PTPRD: variants seen among roughly 807,000 people sequenced by gnomAD.
PTPRD encodes receptor-type tyrosine-protein phosphatase delta.
In PTPRD, 34 loss-of-function variants were observed where a neutral mutation model predicts 214.5. That is an observed-to-expected ratio of 0.16 (90% CI 0.12 to 0.21). The LOEUF (loss-of-function observed/expected upper bound fraction) is 0.21, where lower values mean the gene tolerates loss of function less well. PTPRD is among the 10% of genes least tolerant of loss of function. The pLI, the probability that PTPRD is intolerant of heterozygous loss-of-function variation, is 1.00. For synonymous variants in PTPRD, 1,128 were observed against 845.7 expected, an observed-to-expected ratio of 1.33 and a Z score of -5.79; for missense variants, 2,545 against 2,398.7, an observed-to-expected ratio of 1.06 and a Z score of -1.27.
intron 14 of PTPRD, among the ~76,000 whole-genome samples, chr9:8,549,427 C>A (rs1344288321): frequency 6.6e-6 from 1 of 152,116 alleles, no homozygotes; most frequent in African/African-American, 2.4e-5. Flanking sequence ...TGGAATCATG[C>A]AGATGGATGA....
intron 7 of PTPRD, among the ~76,000 whole-genome samples, chr9:9,609,910 G>C (rs918600475): frequency 4.8e-4 from 73 of 152,320 alleles, no homozygotes; most frequent in African/African-American, 1.6e-3. Context: ...AAAAAAATAA[G>C]AACATTTAGG....
At chr9:8,837,532 T>G (rs1466534634) in intron 11 of PTPRD, among the ~76,000 whole-genome samples, 1 of 150,544 alleles carries the variant, frequency 6.6e-6, no homozygotes, top group African/African-American at 2.5e-5. Context: ...AGAAGAGGTC[T>G]CACTCTGTTG....
At chr9:9,630,268 T>C (rs775147054) in intron 7 of PTPRD, among the ~76,000 whole-genome samples, 1 of 152,186 alleles carries the variant, frequency 6.6e-6, no homozygotes, top group African/African-American at 2.4e-5. Flanking sequence ...ATAGACAACA[T>C]ACCAGGTGTT....
intron 10 of PTPRD, among the ~76,000 whole-genome samples, chr9:9,172,594 G>A (rs372453384): frequency 1.1e-3 from 169 of 152,210 alleles, no homozygotes; most frequent in African/African-American, 3.9e-3. Context: ...CATGATAGAT[G>A]TGCTATGTCT....
At chr9:8,494,042 C>G (rs1021092263) in intron 26 of PTPRD, among the ~76,000 whole-genome samples, 15 of 145,346 alleles carry the variant, frequency 1.0e-4, no homozygotes, top group African/African-American at 3.6e-4. Flanking sequence ...ACACACACAG[C>G]AATATAAAAA....
chr9:8,943,531 A>T (rs1308288886), intron 11 of PTPRD, among the ~76,000 whole-genome samples: 4 of 151,530 alleles, frequency 2.6e-5, no homozygotes, highest in Non-Finnish European at 4.4e-5. Flanking sequence ...TGGAAAGGAC[A>T]GTTTCTTCAA....
chr9:9,477,793 G>T (rs1485300543), intron 8 of PTPRD, among the ~76,000 whole-genome samples: 2 of 152,072 alleles, frequency 1.3e-5, no homozygotes, highest in Non-Finnish European at 2.9e-5. Flanking sequence ...TATTAGAACT[G>T]TACATTTTCT....
chr9:9,752,778 A>G (rs1174621973), intron 6 of PTPRD, among the ~76,000 whole-genome samples: 1 of 152,014 alleles, frequency 6.6e-6, no homozygotes, highest in Non-Finnish European at 1.5e-5. Flanking sequence ...TGTTTAGAAG[A>G]TCCATTAAAT....
intron 11 of PTPRD, among the ~76,000 whole-genome samples, chr9:8,749,482 C>T (rs571144716): frequency 1.3e-4 from 20 of 152,282 alleles, no homozygotes; most frequent in Non-Finnish European, 1.9e-4. Context: ...GCCACCATGA[C>T]CAGGTGAAGT....
chr9:9,380,585 T>A (rs1365597060), intron 9 of PTPRD, among the ~76,000 whole-genome samples: 3 of 152,190 alleles, frequency 2.0e-5, no homozygotes, highest in Non-Finnish European at 4.4e-5. Flanking sequence ...TTTGTTCACG[T>A]GTGTTTCACA....
intron 25 of PTPRD, among the ~76,000 whole-genome samples, chr9:8,497,605 A>G (rs1592050822): frequency 6.6e-6 from 1 of 152,222 alleles, no homozygotes. Flanking sequence ...TACACAATTA[A>G]AAGTCACTAT....
intron 5 of PTPRD, among the ~76,000 whole-genome samples, chr9:9,906,686 T>G (rs2077660425): frequency 6.6e-6 from 1 of 151,996 alleles, no homozygotes; most frequent in East Asian, 1.9e-4. Context: ...TTAGAATGTA[T>G]TATATGTAGA....
intron 7 of PTPRD, among the ~76,000 whole-genome samples, chr9:9,686,567 G>A (rs1450269933): frequency 6.6e-6 from 1 of 151,524 alleles, no homozygotes; most frequent in East Asian, 1.9e-4. Flanking sequence ...CTTTGTGGTG[G>A]CTAATAGGAA....
intron 3 of PTPRD, among the ~76,000 whole-genome samples, chr9:10,061,889 C>T (rs2097782872): frequency 6.6e-6 from 1 of 151,890 alleles, no homozygotes; most frequent in African/African-American, 2.4e-5. Context: ...TTATTATCAC[C>T]CGGAACTCGC....
rs568869542 is a variant in PTPRD, at chr9:10,222,659, A to T, written c.-545+118304T>A. 5.9e-5 allele frequency among the ~76,000 whole-genome samples: 9 copies of T among 152,212 alleles called. No individual in the cohort carries two copies. In the South Asian group the frequency reaches 6.2e-4, roughly 11 times the overall value. On this transcript the variant is annotated intron_variant, in intron 3 of 45. Transcript: ENST00000381196. ...CAAGGAACAGAAATCGTAAATGCTC[A>T]TAGAGGTAAACCATCAGTGGCTCAT...
chr9:10,431,857 C>T (rs1484736715), intron 2 of PTPRD, among the ~76,000 whole-genome samples: 1 of 152,034 alleles, frequency 6.6e-6, no homozygotes, highest in African/African-American at 2.4e-5. Context: ...ACTAGTTCAA[C>T]CATTGTGGAA....
chr9:8,343,541 G>C (rs1224231737), intron 39 of PTPRD, among the ~76,000 whole-genome samples: 1 of 151,930 alleles, frequency 6.6e-6, no homozygotes, highest in East Asian at 1.9e-4. Context: ...TATTTAGTTG[G>C]TTCTAAAGAA....
At chr9:10,024,935 C>G (rs542287354) in intron 4 of PTPRD, among the ~76,000 whole-genome samples, 1 of 151,822 alleles carries the variant, frequency 6.6e-6, no homozygotes, top group South Asian at 2.1e-4. Flanking sequence ...CCAGCTTCAT[C>G]CATGTCCCTA....
chr9:9,118,523 T>C (rs1036450840), intron 10 of PTPRD, among the ~76,000 whole-genome samples: 4 of 152,192 alleles, frequency 2.6e-5, no homozygotes, highest in Non-Finnish European at 4.4e-5. Flanking sequence ...ATGTCAAGAA[T>C]CTAAATAGCT....
Sources: gnomAD v4.1 joint callset for allele counts (sites outside exome capture counted in the v4.1 genomes callset) on GRCh38, gnomAD v4.1.1 for gene constraint, MANE v1.5 for transcripts, NCBI Gene and HGNC (gene_info 2026-07-23, HGNC 2026-07-21) for gene names.